Variants in DRD3 observed in about 807,000 individuals in gnomAD.
DRD3 encodes dopamine receptor D3.
DRD3 carries 19 observed loss-of-function variants against 36.3 expected under a neutral mutation model. The observed-to-expected ratio is 0.52, with a 90% CI of 0.36 to 0.77. The LOEUF is 0.77. Ranked by LOEUF, DRD3 falls within the 30% of genes least tolerant of loss-of-function variation. The pLI is 0.00. For missense variants in DRD3, 465 were observed against 505.3 expected (o/e 0.92, Z 0.77); for synonymous variants, 195 against 203.7 (o/e 0.96, Z 0.36).
At position 114,149,632 on chromosome 3, in the gene DRD3, A is replaced by T. The variant is rs550706509; in HGVS notation, c.384-2075T>A. Among the ~76,000 whole-genome samples the T allele has an allele frequency of 5.3e-5, 8 of 152,348 alleles. No individual in the cohort carries two copies. In the South Asian group the frequency reaches 1.7e-3, roughly 32 times the overall value. On this transcript the variant is annotated intron_variant, in intron 3 of 6. Transcript: ENST00000383673. ...TTACTGATCAGTTGAGGTTAAGTTAATCAAAAGGGAGATTATCTTGAGTGG... is the reference window on the plus strand; with the variant it reads ...TTACTGATCAGTTGAGGTTAAGTTATTCAAAAGGGAGATTATCTTGAGTGG...
At chr3:114,188,436 T>C (rs2077987531) in intron 1 of DRD3, among the ~76,000 whole-genome samples, 1 of 152,128 alleles carries the variant, frequency 6.6e-6, no homozygotes, top group Non-Finnish European at 1.5e-5. Flanking sequence ...GGCCTTGAAC[T>C]CCTGACCTCA....
chr3:114,174,388 C>A (rs1390340809), intron 1 of DRD3, among the ~76,000 whole-genome samples: 2 of 152,154 alleles, frequency 1.3e-5, no homozygotes, highest in African/African-American at 2.4e-5. Context: ...AAGAGGGAGG[C>A]ATAAAACCTT....
intron 3 of DRD3, among the ~76,000 whole-genome samples, chr3:114,150,667 C>T (rs909310992): frequency 6.6e-6 from 1 of 152,180 alleles, no homozygotes; most frequent in Non-Finnish European, 1.5e-5. Context: ...AATGGCTCAA[C>T]ATTTTTTGTC....
intron 3 of DRD3, among the ~76,000 whole-genome samples, chr3:114,148,576 A>G (rs2077589401): frequency 6.6e-6 from 1 of 152,012 alleles, no homozygotes; most frequent in Non-Finnish European, 1.5e-5. Flanking sequence ...CAAACTCAAG[A>G]TGTCTAAAAC....
chr3:114,135,789 G>C (rs1479863077), intron 5 of DRD3, among the ~76,000 whole-genome samples: 2 of 151,930 alleles, frequency 1.3e-5, no homozygotes, highest in Non-Finnish European at 2.9e-5. Context: ...TCCTGGGTTA[G>C]AGTGATTCTT....
Position 114,138,186 on chromosome 3 carries a change from A to AAG in DRD3, c.723+1313_723+1314insCT, listed in dbSNP as rs1268678015. Among the ~76,000 whole-genome samples the AAG allele has an allele frequency of 2.9e-3, 440 of 150,848 alleles. 9 individuals are homozygous for AAG. The highest frequency in any genetic ancestry group is 0.01 in the African/African-American group (424 of 40,816). On this transcript the variant is annotated intron_variant, in intron 5 of 6. Coordinates refer to ENST00000383673, the MANE Select transcript of DRD3 (RefSeq NM_000796.6). Reference sequence around the variant, plus strand: ...TCTGTCTCAAAAAAAAAAAAAAAAAAAAAGATTATCTAGGTCATCAAAGAT... The same window carrying AAG: ...TCTGTCTCAAAAAAAAAAAAAAAAAAAGAAAGATTATCTAGGTCATCAAAGAT...
At chr3:114,152,662 T>A (rs2077628390) in intron 3 of DRD3, among the ~76,000 whole-genome samples, 1 of 152,204 alleles carries the variant, frequency 6.6e-6, no homozygotes, top group Non-Finnish European at 1.5e-5. Flanking sequence ...AGAAGTTCAC[T>A]GCTCACCTGG....
Position 114,171,822 on chromosome 3 carries a change from C to T in DRD3, c.171G>A (p.Glu57=). Residue 57 remains glutamate, a synonymous_variant, in exon 2 of 7, where the codon GAG becomes GAA. Transcript: ENST00000383673. ...AGTTGGTGGTAGTCTGCAGGGCCCG[C>T]TCCTTCAGCACAGCCATGCACACCA... ...NGLVCMAVLK[E]RALQTTTNYL... is the part of the protein sequence containing the mutation. 2 of 1,614,138 alleles carry T rather than the reference C, an allele frequency of 1.2e-6. No homozygotes were observed. Among genetic ancestry groups the T allele is most frequent in the Non-Finnish European group, 1.7e-6 (2 of 1,179,988 alleles).
At chr3:114,175,684 A>C (rs1162117625) in intron 1 of DRD3, among the ~76,000 whole-genome samples, 1 of 152,216 alleles carries the variant, frequency 6.6e-6, no homozygotes, top group Non-Finnish European at 1.5e-5. Context: ...TGCAACTGTG[A>C]TTCCAACATC....
rs758043935 is a variant in DRD3 at position 114,128,835 on chromosome 3, G to A, written c.1084C>T (p.Pro362Ser). The A allele has an allele frequency of 1.9e-6, 3 of 1,613,806 alleles. No individual in the cohort carries two copies. Among genetic ancestry groups the A allele is most frequent in the Non-Finnish European group, 2.5e-6 (3 of 1,179,942 alleles). The change falls in exon 7 of 7, where the codon CCA becomes TCA. Residue 362 changes from proline (P) to serine (S), a missense_variant. Coordinates refer to ENST00000383673, the MANE Select transcript of DRD3 (RefSeq NM_000796.6). ...NTHCQTCHVS[P>S]ELYSATTWLG... ...CATGTCGTGGCACTGTAAAGCTCTG[G>A]GGACACGTGGCATGTCTGGCAGTGG...
At chr3:114,190,457 TATATA>T (rs1380173872) in intron 1 of DRD3, among the ~76,000 whole-genome samples, 12 of 10,670 alleles carry the variant, frequency 1.1e-3, no homozygotes, top group Admixed American at 2.6e-3. Context: ...TATATATATA[TATATA>T]TTTTTTTTTT....
chr3:114,174,388 C>T (rs1390340809), intron 1 of DRD3, among the ~76,000 whole-genome samples: 1 of 152,154 alleles, frequency 6.6e-6, no homozygotes, highest in African/African-American at 2.4e-5. Flanking sequence ...AAGAGGGAGG[C>T]ATAAAACCTT....
intron 2 of DRD3, among the ~76,000 whole-genome samples, chr3:114,164,867 T>G (rs1431830166): frequency 6.6e-6 from 1 of 152,220 alleles, no homozygotes; most frequent in Non-Finnish European, 1.5e-5. Context: ...TTCTCCTGCC[T>G]CAGCCTCCCA....
chr3:114,164,213 T>G (rs1214078126), intron 2 of DRD3, among the ~76,000 whole-genome samples: 1 of 51,082 alleles, frequency 2.0e-5, no homozygotes, highest in East Asian at 7.0e-4. Context: ...AGAGCGAGCC[T>G]CAGTCTCAAA....
chr3:114,164,917 A>C (rs2077768992), intron 2 of DRD3, among the ~76,000 whole-genome samples: 1 of 152,018 alleles, frequency 6.6e-6, no homozygotes, highest in South Asian at 2.1e-4. Flanking sequence ...GGCCCAGCTA[A>C]TTTTTGTATT....
At chr3:114,176,331 C>T (rs2077898725) in intron 1 of DRD3, 2 of 152,204 alleles carry the variant, frequency 1.3e-5, no homozygotes, top group African/African-American at 2.4e-5. Flanking sequence ...TGCTTGGGGG[C>T]TCATTCCTGT....
chr3:114,183,018 A>G (rs2107898925), upstream of DRD3, among the ~76,000 whole-genome samples: 1 of 152,306 alleles, frequency 6.6e-6, no homozygotes, highest in Admixed American at 6.5e-5. Flanking sequence ...CCAGAAATGG[A>G]ATTGCTGGTT....
At chr3:114,141,515 T>C (rs951239849) in intron 4 of DRD3, among the ~76,000 whole-genome samples, 2 of 152,226 alleles carry the variant, frequency 1.3e-5, no homozygotes, top group South Asian at 2.1e-4. Flanking sequence ...GAAGGTAACA[T>C]CTGAAATGGG....
In DRD3 at chr3:114,166,175, G is replaced by C. The variant is rs1460545560; in HGVS notation, c.270+5548C>G. Among the ~76,000 whole-genome samples, 7 of 151,994 alleles carry C rather than the reference G, an allele frequency of 4.6e-5. No individual in the cohort carries two copies. The East Asian group carries it at 5.8e-4, about 13-fold the overall frequency. On this transcript the variant is annotated intron_variant, in intron 2 of 6. Coordinates refer to ENST00000383673, the MANE Select transcript of DRD3 (RefSeq NM_000796.6). Reference sequence around the variant, plus strand: ...TAATTTTTGTATTTTCAGTAGAGACGGGGTTTTACCGTGTTGGCCAGGCTG... The same window carrying C: ...TAATTTTTGTATTTTCAGTAGAGACCGGGTTTTACCGTGTTGGCCAGGCTG...
Sources: allele counts gnomAD v4.1 joint callset (sites outside exome capture counted in the v4.1 genomes callset), GRCh38; gene constraint gnomAD v4.1.1; transcripts MANE v1.5; gene names NCBI Gene and HGNC (gene_info 2026-07-23, HGNC 2026-07-21).